CTNNBL1: variants seen among roughly 807,000 people sequenced by gnomAD.
CTNNBL1 encodes beta-catenin-like protein 1.
CTNNBL1 carries 31 observed loss-of-function variants against 72.7 expected under a neutral mutation model. The observed-to-expected ratio is 0.43, with a 90% CI of 0.32 to 0.58. The LOEUF (loss-of-function observed/expected upper bound fraction) is 0.58. Ranked by LOEUF, CTNNBL1 falls within the 20% of genes least tolerant of loss-of-function variation. The pLI is 0.08. For synonymous variants in CTNNBL1, 240 were observed against 267.3 expected, an observed-to-expected ratio of 0.90 and a Z score of 1.00; for missense variants, 534 against 725.1, an observed-to-expected ratio of 0.74 and a Z score of 3.03.
intron 11 of CTNNBL1, among the ~76,000 whole-genome samples, chr20:37,823,293 G>A (rs985511179): frequency 6.6e-5 from 10 of 152,216 alleles, no homozygotes; most frequent in African/African-American, 2.2e-4. Context: ...TCAGTGCAGC[G>A]CTGAAATTCC....
At chr20:37,695,348 C>T (rs184340130) in intron 1 of CTNNBL1, among the ~76,000 whole-genome samples, 11 of 152,272 alleles carry the variant, frequency 7.2e-5, no homozygotes, top group African/African-American at 2.6e-4. Flanking sequence ...GCAGGCATCA[C>T]TATGCTTGGC....
chr20:37,728,516 C>G (rs1188862844), intron 1 of CTNNBL1, among the ~76,000 whole-genome samples: 2 of 152,132 alleles, frequency 1.3e-5, no homozygotes, highest in Non-Finnish European at 2.9e-5. Context: ...ATGGTTGGCA[C>G]TTTGTTGAAG....
chr20:37,791,315 C>T (rs1268721127), intron 10 of CTNNBL1, among the ~76,000 whole-genome samples: 3 of 152,200 alleles, frequency 2.0e-5, no homozygotes, highest in South Asian at 4.1e-4. Context: ...CTTTTTAAGG[C>T]ACTGCCATAC....
At chr20:37,859,817 T>C (rs1423325551) in intron 13 of CTNNBL1, 82 bp from the exon 14 acceptor site, 1 of 1,403,940 alleles carries the variant, frequency 7.1e-7, no homozygotes, top group Non-Finnish European at 9.8e-7. Context: ...TATTGTTGTG[T>C]GTATTATGGC....
intron 1 of CTNNBL1, among the ~76,000 whole-genome samples, chr20:37,718,412 G>A (rs2073010183): frequency 1.4e-5 from 2 of 142,260 alleles, no homozygotes; most frequent in South Asian, 4.5e-4. Flanking sequence ...CGGGCGGGGG[G>A]CTGACCCCCC....
At chr20:37,828,817 G>A (rs1216747202) in intron 11 of CTNNBL1, among the ~76,000 whole-genome samples, 1 of 152,190 alleles carries the variant, frequency 6.6e-6, no homozygotes, top group African/African-American at 2.4e-5. Context: ...AGCCGGAGTG[G>A]CTGAGCACAC....
intron 11 of CTNNBL1, among the ~76,000 whole-genome samples, chr20:37,819,396 G>A (rs2072086194): frequency 6.6e-6 from 1 of 152,172 alleles, no homozygotes; most frequent in Non-Finnish European, 1.5e-5. Flanking sequence ...CAACCCTAGT[G>A]ATATTCACCT....
chr20:37,746,673 C>T, intron 4 of CTNNBL1, 66 bp downstream of exon 4: 1 of 1,560,080 alleles, frequency 6.4e-7, no homozygotes, highest in Non-Finnish European at 8.8e-7. Flanking sequence ...TACTCTTTCT[C>T]CTGTCTCTCT....
At chr20:37,716,531 C>G (rs923460501) in intron 1 of CTNNBL1, among the ~76,000 whole-genome samples, 5 of 152,290 alleles carry the variant, frequency 3.3e-5, no homozygotes, top group African/African-American at 1.2e-4. Context: ...AGGTATTTTG[C>G]TAGCTTTAGT....
At chr20:37,703,683 T>A (rs532504181) in intron 1 of CTNNBL1, among the ~76,000 whole-genome samples, 15 of 152,350 alleles carry the variant, frequency 9.8e-5, no homozygotes, top group Non-Finnish European at 1.6e-4. Context: ...TGGCCAGCTT[T>A]GCATTTCAGT....
At chr20:37,805,932 T>C (rs1296460468) in intron 11 of CTNNBL1, among the ~76,000 whole-genome samples, 2 of 152,214 alleles carry the variant, frequency 1.3e-5, no homozygotes, top group African/African-American at 4.8e-5. Context: ...ACCATTTCCC[T>C]GAAAGGCTCA....
In CTNNBL1 at chr20:37,765,151, C is replaced by A. The variant is rs761436253; in HGVS notation, c.565-46C>A. On this transcript the variant is annotated intron_variant, in intron 5 of 15. Coordinates refer to ENST00000361383, the MANE Select transcript of CTNNBL1 (RefSeq NM_030877.5). ...TATGGGAACGGGAACATTTTGGGGA[C>A]CATTTTATGACATCCCTCTCTCCTT... 3.8e-6 allele frequency: 5 copies of A among 1,331,808 alleles called. No individual in the cohort carries two copies. The African/African-American group carries it at 5.8e-5, about 15-fold the overall frequency. The allele number at this position is 1,331,808 out of a possible 1,614,324, so 82.5% of individuals were successfully genotyped here.
At chr20:37,807,480 C>T (rs2071970066) in intron 11 of CTNNBL1, among the ~76,000 whole-genome samples, 1 of 152,116 alleles carries the variant, frequency 6.6e-6, no homozygotes, top group African/African-American at 2.4e-5. Context: ...TGGGCAAATC[C>T]ATTCTTGATG....
chr20:37,743,970 A>G (rs940995936), intron 3 of CTNNBL1, among the ~76,000 whole-genome samples: 1 of 151,432 alleles, frequency 6.6e-6, no homozygotes, highest in Admixed American at 6.7e-5. Context: ...TAAAACCTTT[A>G]TGTCAAAAGG....
At position 37,737,598 on chromosome 20, in the gene CTNNBL1, A is replaced by AC. The variant is rs762125837; in HGVS notation, c.326+119dup. The stretch of plus-strand genomic sequence containing the variant: ...GATTTGGGCCAGGAATCCCAGGATG[A>AC]CCCCCATGTTTGGGAATTCACTAGA... On this transcript the variant is annotated intron_variant, in intron 3 of 15. Transcript: ENST00000361383. 4.6e-6 allele frequency: 3 copies of AC among 654,162 alleles called. No homozygotes were observed. The African/African-American group carries it at 5.5e-5, about 12-fold the overall frequency. 40.5% of individuals were successfully genotyped at this position (654,162 alleles called of 1,614,324 possible).
intron 10 of CTNNBL1, among the ~76,000 whole-genome samples, chr20:37,781,293 T>G (rs944569166): frequency 2.0e-5 from 3 of 152,204 alleles, no homozygotes; most frequent in Non-Finnish European, 4.4e-5. Context: ...GACTTTTCCT[T>G]AAGCTTCTTA....
At chr20:37,820,234 C>G (rs1418641281) in intron 11 of CTNNBL1, among the ~76,000 whole-genome samples, 1 of 152,074 alleles carries the variant, frequency 6.6e-6, no homozygotes, top group Non-Finnish European at 1.5e-5. Flanking sequence ...CTCCTTAAGG[C>G]AAATATTTCC....
rs568712211 is a variant in CTNNBL1, at chr20:37,774,686, G to A, written c.751-2659G>A. On this transcript the variant is annotated intron_variant, in intron 7 of 15. Transcript: ENST00000361383. ...AACTCAGCTGGTCGGTGCCTGTTATGTATACACCAGTTCCCTTAGTACAGC... is the reference window on the plus strand; with the variant it reads ...AACTCAGCTGGTCGGTGCCTGTTATATATACACCAGTTCCCTTAGTACAGC... Among the ~76,000 whole-genome samples the A allele has an allele frequency of 4.6e-5, 7 of 152,286 alleles. No homozygotes were observed. The South Asian group carries it at 1.5e-3, about 32-fold the overall frequency.
intron 1 of CTNNBL1, among the ~76,000 whole-genome samples, chr20:37,712,665 A>G (rs968142598): frequency 7.9e-5 from 12 of 152,266 alleles, no homozygotes; most frequent in Admixed American, 7.8e-4. Context: ...ACTGTTCCTA[A>G]TGAAAGGGAA....
Sources: allele counts gnomAD v4.1 joint callset (sites outside exome capture counted in the v4.1 genomes callset), GRCh38; gene constraint gnomAD v4.1.1; transcripts MANE v1.5; gene names NCBI Gene and HGNC (gene_info 2026-07-23, HGNC 2026-07-21).